The following TTYH1 variants were observed in gnomAD, a reference collection of about 807,000 sequenced individuals.
TTYH1 encodes tweety family member 1, also known as protein tweety homolog 1.
Under a neutral mutation model 61.2 loss-of-function variants are expected in TTYH1, and 33 were observed. The ratio of observed to expected loss-of-function variants is 0.54; its 90% CI spans 0.41 to 0.72. The LOEUF (loss-of-function observed/expected upper bound fraction) is 0.72. Ranked by LOEUF, TTYH1 falls within the 30% of genes least tolerant of loss-of-function variation. TTYH1 has a pLI of 0.00. For missense variants in TTYH1, 538 were observed against 575.8 expected (o/e 0.93, Z 0.67); for synonymous variants, 308 against 266.4 (o/e 1.16, Z -1.52).
chr19:54,422,321 C>T lies in TTYH1; in HGVS notation c.549C>T (p.Ala183=). The stretch of plus-strand genomic sequence containing the variant: ...CTCGACGGCAGGCGGAGGCTGCGGC[C>T]CAGCAGCTGCAGGGGCTGGCCTTCT... ...RGARRQAEAA[A]QQLQGLAFWQ... The change falls in exon 4 of 14, where the codon GCC becomes GCT. Residue 183 remains alanine, a synonymous_variant. Coordinates refer to ENST00000376530, the MANE Select transcript of TTYH1 (RefSeq NM_020659.4). 1 of 1,566,750 alleles carries T rather than the reference C, an allele frequency of 6.4e-7. No individual in the cohort carries two copies.
rs569641798 is a variant in TTYH1 at position 54,419,860 on chromosome 19, C to T, written c.305+554C>T. ...GCCAGGCAAGGAGCCCCTCGTGCAGCTTATGTTCTAATCAGGGAGACGGAC... is the reference window on the plus strand; with the variant it reads ...GCCAGGCAAGGAGCCCCTCGTGCAGTTTATGTTCTAATCAGGGAGACGGAC... On this transcript the variant is annotated intron_variant, in intron 2 of 13. Transcript: ENST00000376530. The surrounding 1 kb of genome is among the most constrained non-coding windows in gnomAD (Gnocchi z 6.1). Among the ~76,000 whole-genome samples, 1 of 152,288 alleles carries T rather than the reference C, an allele frequency of 6.6e-6. No individual in the cohort carries two copies. The highest frequency in any genetic ancestry group is 6.5e-5 in the Admixed American group (1 of 15,290).
chr19:54,430,852 T>G lies in TTYH1; in HGVS notation c.979T>G (p.Ser327Ala), dbSNP rs1295553810. Residue 327 changes from serine (S) to alanine (A), a missense_variant, in exon 9 of 14, where the codon TCC becomes GCC. Physicochemically the swap from Ser to Ala is moderately conservative, Grantham distance 99. Transcript: ENST00000376530. ...CCAGCGAGCTCTGGCCAACATCCACTCCCAGCTGCTGGGCCTGGAGCGAGA... is the reference window on the plus strand; with the variant it reads ...CCAGCGAGCTCTGGCCAACATCCACGCCCAGCTGCTGGGCCTGGAGCGAGA... The part of the protein sequence containing the change: ...LSQRALANIH[S>A]QLLGLEREAV... The G allele has an allele frequency of 6.2e-7, 1 of 1,613,794 alleles. No homozygotes were observed. The highest frequency in any genetic ancestry group is 1.1e-5 in the South Asian group (1 of 91,078).
intron 9 of TTYH1, 58 bp downstream of exon 9, chr19:54,430,963 G>A: frequency 6.3e-7 from 1 of 1,585,408 alleles, no homozygotes; most frequent in East Asian, 2.2e-5. Context: ...GGACGGGGCG[G>A]GATGGAGCTG....
In TTYH1 at chr19:54,419,624, G is replaced by A. The variant is rs1369631009; in HGVS notation, c.305+318G>A. The A allele has an allele frequency of 1.6e-6, 1 of 613,146 alleles. No individual in the cohort carries two copies. Among genetic ancestry groups the A allele is most frequent in the Admixed American group, 2.1e-5 (1 of 47,144 alleles). 38.0% of individuals were successfully genotyped at this position (613,146 alleles called of 1,614,324 possible). A position where few individuals can be genotyped will look rare whatever the true frequency, so the allele number is the denominator to read the frequency against. ...AGCTGTGTGACCTAAGGGAGTGATA[G>A]TCTCCCTGGGCCTCAATTTCCACAT... On this transcript the variant is annotated intron_variant, in intron 2 of 13. Coordinates refer to ENST00000376530, the MANE Select transcript of TTYH1 (RefSeq NM_020659.4). This position sits in a 1 kb window ranked among gnomAD's most constrained non-coding sequence, Gnocchi z 6.1.
intron 1 of TTYH1, chr19:54,418,144 C>T (rs1191122049): frequency 1.3e-5 from 2 of 152,332 alleles, no homozygotes; most frequent in African/African-American, 4.8e-5. Context: ...CCTCCATGCT[C>T]CGGGGCTCAG....
intron 4 of TTYH1, among the ~76,000 whole-genome samples, chr19:54,425,301 A>C (rs2083302279): frequency 6.6e-6 from 1 of 152,242 alleles, no homozygotes; most frequent in Non-Finnish European, 1.5e-5. Flanking sequence ...GCCGTAACAG[A>C]CACGGACCAG....
In TTYH1 at chr19:54,420,226, A is replaced by AGAC. The variant is rs1179625006; in HGVS notation, c.305+922_305+924dup. Among the ~76,000 whole-genome samples the AGAC allele has an allele frequency of 3.9e-5, 6 of 152,292 alleles. No homozygotes were observed. The East Asian group carries it at 1.2e-3, about 29-fold the overall frequency. ...GTTGCAGACAGCAATCCTCTTCCAC[A>AGAC]GACGGGGGGTCCCAGAGGGCCAGAC... On this transcript the variant is annotated intron_variant, in intron 2 of 13. Transcript: ENST00000376530. This position sits in a 1 kb window ranked among gnomAD's most constrained non-coding sequence, Gnocchi z 4.8.
intron 1 of TTYH1, among the ~76,000 whole-genome samples, chr19:54,417,647 ACT>A (rs2083115103): frequency 6.6e-6 from 1 of 151,324 alleles, no homozygotes; most frequent in South Asian, 2.1e-4. Context: ...ATGCTTACAC[ACT>A]CATGCATGCA....
chr19:54,416,284 G>A lies in TTYH1; in HGVS notation c.126+606G>A, dbSNP rs1599878334. ...AGAAGGGGTGGTCAGGGCGCTGCAGGGGTGAGGGCCGAGATGAGGCTGGGT... is the reference window on the plus strand; with the variant it reads ...AGAAGGGGTGGTCAGGGCGCTGCAGAGGTGAGGGCCGAGATGAGGCTGGGT... On this transcript the variant is annotated intron_variant, in intron 1 of 13. Coordinates refer to ENST00000376530, the MANE Select transcript of TTYH1 (RefSeq NM_020659.4). This position sits in a 1 kb window ranked among gnomAD's most constrained non-coding sequence, Gnocchi z 7.0. The A allele has an allele frequency of 3.3e-6, 1 of 301,128 alleles. No homozygotes were observed. Among genetic ancestry groups the A allele is most frequent in the Non-Finnish European group, 6.9e-6 (1 of 145,220 alleles). The allele number at this position is 301,128 out of a possible 1,614,324, so 18.7% of individuals were successfully genotyped here.
Position 54,419,060 on chromosome 19 carries a change from C to A in TTYH1, c.127-68C>A. On this transcript the variant is annotated intron_variant, in intron 1 of 13. Transcript: ENST00000376530. The surrounding 1 kb of genome is among the most constrained non-coding windows in gnomAD (Gnocchi z 6.1). ...CCCAGACCCCGACCCCCCAGCCACG[C>A]AGGAAGGGGGATCTGAGTGTGGAAC... 1 of 1,486,290 alleles carries A rather than the reference C, an allele frequency of 6.7e-7. No homozygotes were observed. The highest frequency in any genetic ancestry group is 9.1e-7 in the Non-Finnish European group (1 of 1,095,906). 92.1% of individuals were successfully genotyped at this position (1,486,290 alleles called of 1,614,324 possible). A position where few individuals can be genotyped will look rare whatever the true frequency, so the allele number is the denominator to read the frequency against.
Position 54,420,301 on chromosome 19 carries a change from C to T in TTYH1, c.306-976C>T, listed in dbSNP as rs896008888. Among the ~76,000 whole-genome samples, 1 of 152,180 alleles carries T rather than the reference C, an allele frequency of 6.6e-6. No homozygotes were observed. The highest frequency in any genetic ancestry group is 2.4e-5 in the African/African-American group (1 of 41,440). On this transcript the variant is annotated intron_variant, in intron 2 of 13. Coordinates refer to ENST00000376530, the MANE Select transcript of TTYH1 (RefSeq NM_020659.4). This position sits in a 1 kb window ranked among gnomAD's most constrained non-coding sequence, Gnocchi z 4.8. ...AAGGGGAGGGACCTGTAGGGGTGGC[C>T]TGTATTCAGGACGCTTCCTCCTCCG...
rs2083165772 is a variant in TTYH1 at position 54,419,623 on chromosome 19, A to G, written c.305+317A>G. On this transcript the variant is annotated intron_variant, in intron 2 of 13. Transcript: ENST00000376530. This position sits in a 1 kb window ranked among gnomAD's most constrained non-coding sequence, Gnocchi z 6.1. ...TAGCTGTGTGACCTAAGGGAGTGAT[A>G]GTCTCCCTGGGCCTCAATTTCCACA... 1 of 615,748 alleles carries G rather than the reference A, an allele frequency of 1.6e-6. No individual in the cohort carries two copies. Among genetic ancestry groups the G allele is most frequent in the African/African-American group, 1.8e-5 (1 of 55,472 alleles). The allele number at this position is 615,748 out of a possible 1,614,324, so 38.1% of individuals were successfully genotyped here.
chr19:54,417,016 A>AG, intron 1 of TTYH1: 20 of 1,164,950 alleles, frequency 1.7e-5, no homozygotes, highest in Non-Finnish European at 2.2e-5. Flanking sequence ...ACAGCCGAGG[A>AG]GGGCAAGGGG....
chr19:54,423,530 G>T (rs1395395579), intron 4 of TTYH1, among the ~76,000 whole-genome samples: 1 of 152,150 alleles, frequency 6.6e-6, no homozygotes, highest in Non-Finnish European at 1.5e-5. Context: ...AGGAACCTGA[G>T]CTCGAAAGCC....
At chr19:54,423,394 C>T (rs1018309408) in intron 4 of TTYH1, among the ~76,000 whole-genome samples, 34 of 152,030 alleles carry the variant, frequency 2.2e-4, no homozygotes, top group African/African-American at 7.7e-4. Context: ...AACGGGGTTT[C>T]ACCATGTTAG....
Position 54,430,810 on chromosome 19 carries a change from C to T in TTYH1, c.940-3C>T. 6.2e-7 allele frequency: 1 copy of T among 1,613,588 alleles called. No individual in the cohort carries two copies. On this transcript the variant is annotated splice_region_variant and splice_polypyrimidine_tract_variant and intron_variant, in intron 8 of 13. Transcript: ENST00000376530. The stretch of plus-strand genomic sequence containing the variant: ...CCTCCTCCCTCCCTTTCTCTTTCTG[C>T]AGAGGCTGACTCTGTCCCAGCGAGC...
chr19:54,415,713 T>C lies in TTYH1; in HGVS notation c.126+35T>C. 1 of 1,506,130 alleles carries C rather than the reference T, an allele frequency of 6.6e-7. No individual in the cohort carries two copies. Among genetic ancestry groups the C allele is most frequent in the Non-Finnish European group, 8.8e-7 (1 of 1,130,224 alleles). The allele number at this position is 1,506,130 out of a possible 1,614,324, so 93.3% of individuals were successfully genotyped here. On this transcript the variant is annotated intron_variant, in intron 1 of 13. Coordinates refer to ENST00000376530, the MANE Select transcript of TTYH1 (RefSeq NM_020659.4). This position sits in a 1 kb window ranked among gnomAD's most constrained non-coding sequence, Gnocchi z 5.2. ...GGCGCCAGGGCCTGGGGGCCAGGGC[T>C]GGGGGCCGGAGCTCCTGGGTCCCGA...
At chr19:54,430,073 C>G (rs551048895) in intron 7 of TTYH1, 116 bp downstream of exon 7, 1 of 876,110 alleles carries the variant, frequency 1.1e-6, no homozygotes, top group African/African-American at 1.7e-5. Flanking sequence ...GCCTGCCAGG[C>G]GAGACCCAGC....
In TTYH1 at chr19:54,436,497, AG is replaced by A; in HGVS notation, c.*210del. 1 of 1,048,692 alleles carries A rather than the reference AG, an allele frequency of 9.5e-7. No individual in the cohort carries two copies. The highest frequency in any genetic ancestry group is 2.5e-5 in the East Asian group (1 of 40,264). 65.0% of individuals were successfully genotyped at this position (1,048,692 alleles called of 1,614,324 possible). A position where few individuals can be genotyped will look rare whatever the true frequency, so the allele number is the denominator to read the frequency against. ...TTGGGAGTAGCTGAGGGGGCAGACT[AG>A]GGAGTAGGGCTGGCAGGGGAGGGGG... On this transcript the variant is annotated 3_prime_UTR_variant, in exon 14 of 14. Coordinates refer to ENST00000376530, the MANE Select transcript of TTYH1 (RefSeq NM_020659.4). This position sits in a 1 kb window ranked among gnomAD's most constrained non-coding sequence, Gnocchi z 4.3.
Sources: gnomAD v4.1 joint callset for allele counts (sites outside exome capture counted in the v4.1 genomes callset) on GRCh38, gnomAD v4.1.1 for gene constraint, Gnocchi (gnomAD v3.1) non-coding constraint, MANE v1.5 for transcripts, NCBI Gene and HGNC (gene_info 2026-07-23, HGNC 2026-07-21) for gene names.